The following LCORL variants were observed in gnomAD, a reference collection of about 807,000 sequenced individuals.
The protein encoded by LCORL is ligand dependent nuclear receptor corepressor like, also known as ligand-dependent nuclear receptor corepressor-like protein.
A neutral mutation model predicts 141.8 loss-of-function variants in LCORL; 41 were observed. The ratio of observed to expected loss-of-function variants is 0.29; its 90% CI spans 0.23 to 0.38. The LOEUF (loss-of-function observed/expected upper bound fraction) is 0.38, where lower values mean the gene tolerates loss of function less well. Ranked by LOEUF, LCORL falls within the 10% of genes least tolerant of loss-of-function variation. The pLI, the probability that LCORL is intolerant of heterozygous loss-of-function variation, is 1.00. For synonymous variants in LCORL, 618 were observed against 694.1 expected (o/e 0.89, Z 1.72); for missense variants, 1,759 against 2,035.0 (o/e 0.86, Z 2.61).
exon 7 of LCORL, chr4:17,873,984 T>C: frequency 8.1e-7 from 1 of 1,234,202 alleles, no homozygotes; most frequent in Non-Finnish European, 1.0e-6. Flanking sequence ...CTGCTGCAAG[T>C]CACCCCTGAT....
At chr4:18,011,675 C>T (rs1055114003) in intron 1 of LCORL, among the ~76,000 whole-genome samples, 2 of 152,128 alleles carry the variant, frequency 1.3e-5, no homozygotes, top group African/African-American at 4.8e-5. Flanking sequence ...GGTTTATAGG[C>T]CAAATCCACC....
At chr4:17,922,079 A>G (rs559479190) in intron 4 of LCORL, among the ~76,000 whole-genome samples, 1 of 152,164 alleles carries the variant, frequency 6.6e-6, no homozygotes, top group Non-Finnish European at 1.5e-5. Flanking sequence ...GCTTGCAGAC[A>G]GCCTATTGTG....
At position 17,978,360 on chromosome 4, in the gene LCORL, G is replaced by A. The variant is rs6829151; in HGVS notation, c.155-5475C>T. On this transcript the variant is annotated intron_variant, in intron 1 of 7. Transcript: ENST00000635767. Reference sequence around the variant, plus strand: ...CCTGTAATACCAAGAACTTGAGAGGGTGAGGTTAAGAAGATCACTTGAGAC... The same window carrying A: ...CCTGTAATACCAAGAACTTGAGAGGATGAGGTTAAGAAGATCACTTGAGAC... 4.4e-3 allele frequency among the ~76,000 whole-genome samples: 668 copies of A among 152,216 alleles called. 4 individuals are homozygous for A. The highest frequency in any genetic ancestry group is 0.015 in the African/African-American group (641 of 41,534).
intron 7 of LCORL, among the ~76,000 whole-genome samples, chr4:17,848,990 C>A (rs1243217683): frequency 6.6e-6 from 1 of 152,258 alleles, no homozygotes; most frequent in Non-Finnish European, 1.5e-5. Context: ...GGGCGCCCAC[C>A]ATTGCCCAGG....
At chr4:17,850,629 C>T (rs1248864315) in intron 7 of LCORL, among the ~76,000 whole-genome samples, 1 of 151,934 alleles carries the variant, frequency 6.6e-6, no homozygotes, top group African/African-American at 2.4e-5. Flanking sequence ...CAGGAAACAA[C>T]AGGTGCTGGA....
intron 7 of LCORL, among the ~76,000 whole-genome samples, chr4:17,872,864 A>G (rs773049045): frequency 3.9e-5 from 6 of 152,168 alleles, no homozygotes; most frequent in Admixed American, 2.0e-4. Context: ...TCCAAATGAC[A>G]TAACAACTTG....
intron 4 of LCORL, among the ~76,000 whole-genome samples, chr4:17,955,485 T>C (rs1272988602): frequency 6.6e-6 from 1 of 152,128 alleles, no homozygotes; most frequent in Non-Finnish European, 1.5e-5. Context: ...AAAAATTCAG[T>C]TCCTCATGGT....
At position 17,924,858 on chromosome 4, in the gene LCORL, T is replaced by C. The variant is rs779346349; in HGVS notation, c.431-15513A>G. ...CAACTCCAACTAGATGACCATACTT[T>C]GCGGGGCTAGGGCGAAGTTCTCCAG... On this transcript the variant is annotated intron_variant, in intron 4 of 7. Coordinates refer to ENST00000635767, the Ensembl canonical transcript of LCORL. 5.0e-4 allele frequency among the ~76,000 whole-genome samples: 76 copies of C among 152,286 alleles called. 1 individual carries two copies. The highest frequency in any genetic ancestry group is 9.1e-4 in the Non-Finnish European group (62 of 68,016).
At position 17,901,238 on chromosome 4, in the gene LCORL, AGAGT is replaced by A. The variant is rs756162119; in HGVS notation, c.682+7852_682+7855del. Among the ~76,000 whole-genome samples, 44 of 152,156 alleles carry A rather than the reference AGAGT, an allele frequency of 2.9e-4. 1 individual carries two copies. Among genetic ancestry groups the A allele is most frequent in the Non-Finnish European group, 6.0e-4 (41 of 68,020 alleles). On this transcript the variant is annotated intron_variant, in intron 5 of 7. Coordinates refer to ENST00000635767, the Ensembl canonical transcript of LCORL. ...TACCATAAACAAAACAGGGAGAGAA[AGAGT>A]GAGAGAGAGCCCAAAAGTAGAGTGT...
At chr4:17,988,787 C>A (rs1448983127) in intron 1 of LCORL, among the ~76,000 whole-genome samples, 1 of 152,086 alleles carries the variant, frequency 6.6e-6, no homozygotes, top group Admixed American at 6.6e-5. Flanking sequence ...GAGTTCGAGA[C>A]CAGCCTGGCC....
intron 1 of LCORL, among the ~76,000 whole-genome samples, chr4:17,999,288 C>T (rs1000998831): frequency 6.6e-6 from 1 of 151,688 alleles, no homozygotes; most frequent in Non-Finnish European, 1.5e-5. Context: ...CCCGTCTCTA[C>T]TAAAAATACA....
At chr4:17,848,075 T>A (rs1723149261) in intron 7 of LCORL, among the ~76,000 whole-genome samples, 1 of 152,160 alleles carries the variant, frequency 6.6e-6, no homozygotes. Flanking sequence ...ATACGGCGGT[T>A]TTCTTAAGTA....
chr4:18,002,800 T>C (rs777407468), intron 1 of LCORL, among the ~76,000 whole-genome samples: 3 of 152,182 alleles, frequency 2.0e-5, no homozygotes, highest in Non-Finnish European at 4.4e-5. Flanking sequence ...TCTTCATATA[T>C]TCTCTTGGGA....
At chr4:17,864,575 G>T (rs892128443) in intron 7 of LCORL, among the ~76,000 whole-genome samples, 3 of 152,136 alleles carry the variant, frequency 2.0e-5, no homozygotes, top group African/African-American at 4.8e-5. Context: ...CCAAAAGAAG[G>T]CTGGAAAAGA....
intron 7 of LCORL, among the ~76,000 whole-genome samples, chr4:17,851,454 C>T (rs1342884639): frequency 6.6e-6 from 1 of 152,116 alleles, no homozygotes; most frequent in East Asian, 1.9e-4. Context: ...CACAATTCTA[C>T]CATTCTATAT....
At chr4:17,881,653 C>A in intron 6 of LCORL, 3 of 962,142 alleles carry the variant, frequency 3.1e-6, no homozygotes, top group Non-Finnish European at 3.7e-6. Context: ...CAAAAGTGTT[C>A]TGTAAGTTTC....
At chr4:17,887,609 G>T (rs1728466533) in intron 5 of LCORL, among the ~76,000 whole-genome samples, 1 of 152,266 alleles carries the variant, frequency 6.6e-6, no homozygotes, top group Middle Eastern at 3.4e-3. Flanking sequence ...GGCCAAGAGT[G>T]AGCTGAGATC....
At chr4:17,966,005 T>C (rs1188801060) in intron 2 of LCORL, among the ~76,000 whole-genome samples, 1 of 152,126 alleles carries the variant, frequency 6.6e-6, no homozygotes, top group African/African-American at 2.4e-5. Flanking sequence ...ACACTGGTTA[T>C]AACTGTATTG....
chr4:18,013,517 G>A (rs748658737), intron 1 of LCORL, among the ~76,000 whole-genome samples: 2 of 152,136 alleles, frequency 1.3e-5, no homozygotes, highest in Admixed American at 6.5e-5. Context: ...TATTATCCCA[G>A]TTTCATAGGT....
Sources: allele counts gnomAD v4.1 joint callset (sites outside exome capture counted in the v4.1 genomes callset), GRCh38; gene constraint gnomAD v4.1.1; transcripts MANE v1.5; gene names NCBI Gene and HGNC (gene_info 2026-07-23, HGNC 2026-07-21).